The following ACSS3 variants were observed in gnomAD, a reference collection of about 807,000 sequenced individuals.
ACSS3 encodes acyl-CoA synthetase short chain family member 3.
A neutral mutation model predicts 84.2 loss-of-function variants in ACSS3; 64 were observed. The observed-to-expected ratio is 0.76, with a 90% CI of 0.62 to 0.94. ACSS3 has a LOEUF of 0.94. Ranked by LOEUF, ACSS3 falls within the 40% of genes least tolerant of loss-of-function variation. The pLI, the probability that ACSS3 is intolerant of heterozygous loss-of-function variation, is 0.00. For synonymous variants in ACSS3, 317 were observed against 310.1 expected (o/e 1.02, Z -0.23); for missense variants, 815 against 867.6 (o/e 0.94, Z 0.76).
chr12:81,218,407 A>G (rs7314627), intron 10 of ACSS3, among the ~76,000 whole-genome samples: 44 of 151,960 alleles, frequency 2.9e-4, no homozygotes, highest in Non-Finnish European at 5.1e-4. Flanking sequence ...CAGAGATTTG[A>G]CTTTTGCTTC....
At chr12:81,121,207 C>T (rs1429719766) in intron 2 of ACSS3, among the ~76,000 whole-genome samples, 3 of 152,086 alleles carry the variant, frequency 2.0e-5, no homozygotes. Flanking sequence ...AGGAACATTG[C>T]CCAATCCTGG....
intron 13 of ACSS3, among the ~76,000 whole-genome samples, chr12:81,250,579 A>G (rs1432571081): frequency 6.6e-6 from 1 of 152,142 alleles, no homozygotes; most frequent in African/African-American, 2.4e-5. Context: ...TAACAAAGTG[A>G]AAGAGTGGCA....
rs527576451 is a variant in ACSS3 at position 81,134,823 on chromosome 12, A to G, written c.464A>G (p.Lys155Arg). 54 of 1,556,614 alleles carry G rather than the reference A, an allele frequency of 3.5e-5. No homozygotes were observed. In the African/African-American group the frequency reaches 4.9e-4, roughly 14 times the overall value. ...TYKEVLEQVSKLAGVLVKHGI... is the reference protein window; with the variant it reads ...TYKEVLEQVSRLAGVLVKHGI... ...TTAATGGTCTTGGCATAGGTCTCCA[A>G]GCTGGCTGGTGTCTTGGTCAAGCAT... The change falls in exon 3 of 16, where the codon AAG (lysine) becomes AGG (arginine). Residue 155 changes from lysine to arginine, a missense_variant. Lys to Arg is a conservative substitution (Grantham distance 26, BLOSUM62 2). Transcript: ENST00000548058.
intron 13 of ACSS3, among the ~76,000 whole-genome samples, chr12:81,251,503 T>C (rs2034149632): frequency 6.6e-6 from 1 of 151,902 alleles, no homozygotes; most frequent in African/African-American, 2.4e-5. Context: ...TCCTACTTTC[T>C]TAGTTGATAT....
intron 7 of ACSS3, among the ~76,000 whole-genome samples, chr12:81,156,397 T>A (rs1466377629): frequency 6.6e-6 from 1 of 151,470 alleles, no homozygotes; most frequent in Non-Finnish European, 1.5e-5. Flanking sequence ...TATCTCAAGA[T>A]CCTAGGAAAA....
chr12:81,097,324 G>C (rs1284860033), intron 1 of ACSS3, among the ~76,000 whole-genome samples: 1 of 152,206 alleles, frequency 6.6e-6, no homozygotes, highest in African/African-American at 2.4e-5. Context: ...CAGCCACAGA[G>C]AATACACATA....
At chr12:81,153,088 G>C (rs1886691488) in intron 7 of ACSS3, among the ~76,000 whole-genome samples, 1 of 152,126 alleles carries the variant, frequency 6.6e-6, no homozygotes, top group Admixed American at 6.6e-5. Context: ...TCTGAAAAAA[G>C]GGAGTAGCAT....
At chr12:81,164,743 T>C (rs959494901) in intron 7 of ACSS3, among the ~76,000 whole-genome samples, 1 of 152,220 alleles carries the variant, frequency 6.6e-6, no homozygotes, top group Non-Finnish European at 1.5e-5. Flanking sequence ...TAATTTTACC[T>C]ACATGGAGGT....
chr12:81,115,809 G>C (rs1883995092), intron 2 of ACSS3, among the ~76,000 whole-genome samples: 1 of 152,118 alleles, frequency 6.6e-6, no homozygotes, highest in East Asian at 1.9e-4. Context: ...AGGAATCAAA[G>C]TTGAGAAGAC....
intron 8 of ACSS3, among the ~76,000 whole-genome samples, chr12:81,176,547 C>G (rs1362191403): frequency 6.6e-6 from 1 of 151,866 alleles, no homozygotes; most frequent in East Asian, 1.9e-4. Flanking sequence ...GCACTTCAGC[C>G]TGACAACAGA....
intron 10 of ACSS3, among the ~76,000 whole-genome samples, chr12:81,217,947 T>C (rs1179956492): frequency 6.6e-6 from 1 of 152,222 alleles, no homozygotes; most frequent in Non-Finnish European, 1.5e-5. Context: ...TATAATATCC[T>C]GTCAATTTTT....
chr12:81,191,009 A>T (rs1030574000), intron 8 of ACSS3, among the ~76,000 whole-genome samples: 7 of 149,198 alleles, frequency 4.7e-5, no homozygotes, highest in Non-Finnish European at 9.0e-5. Context: ...TTTGTTGAAG[A>T]TTTTTTTTTT....
At position 81,097,125 on chromosome 12, in the gene ACSS3, G is replaced by A. The variant is rs11114761; in HGVS notation, c.312-12435G>A. Among the ~76,000 whole-genome samples the A allele has an allele frequency of 1.4e-3, 217 of 152,166 alleles. 2 individuals carry two copies. In the East Asian group the frequency reaches 0.037, roughly 26 times the overall value. On this transcript the variant is annotated intron_variant, in intron 1 of 15. Coordinates refer to ENST00000548058, the MANE Select transcript of ACSS3 (RefSeq NM_024560.4). ...ATTTAAATTTAGTTAGACACATGTGGCTAGTCGTTACCCTACTGAGCAGCA... is the reference window on the plus strand; with the variant it reads ...ATTTAAATTTAGTTAGACACATGTGACTAGTCGTTACCCTACTGAGCAGCA...
intron 12 of ACSS3, 134 bp from the exon 13 acceptor site, chr12:81,233,215 C>CT: frequency 2.2e-6 from 2 of 911,134 alleles, no homozygotes; most frequent in Non-Finnish European, 3.2e-6. Context: ...GTGTAATTTC[C>CT]TAGTCTAGTT....
chr12:81,110,675 T>C (rs1373809652), intron 2 of ACSS3, among the ~76,000 whole-genome samples: 1 of 152,194 alleles, frequency 6.6e-6, no homozygotes, highest in Non-Finnish European at 1.5e-5. Context: ...GCAGTATCCC[T>C]GCCTCCACCT....
intron 9 of ACSS3, chr12:81,199,919 A>G: frequency 7.1e-6 from 2 of 279,750 alleles, no homozygotes; most frequent in Non-Finnish European, 7.1e-6. Flanking sequence ...TTCCTCTCAT[A>G]GGACTCTCTG....
chr12:81,165,734 A>G (rs538375763), intron 7 of ACSS3, among the ~76,000 whole-genome samples: 2 of 152,338 alleles, frequency 1.3e-5, no homozygotes, highest in Non-Finnish European at 2.9e-5. Context: ...GTAGAAGATG[A>G]CAATTTATTT....
intron 8 of ACSS3, among the ~76,000 whole-genome samples, chr12:81,186,883 C>T (rs1741349118): frequency 6.6e-6 from 1 of 151,756 alleles, no homozygotes; most frequent in Non-Finnish European, 1.5e-5. Context: ...AATGAAGTCA[C>T]CACCTCATGA....
chr12:81,260,687 C>T lies in ACSS3; in HGVS notation c.*5765C>T, dbSNP rs1170849677. The T allele has an allele frequency of 6.6e-6, 1 of 152,132 alleles. No individual in the cohort carries two copies. Among genetic ancestry groups the T allele is most frequent in the African/African-American group, 2.4e-5 (1 of 41,436 alleles). The allele number at this position is 152,132 out of a possible 1,614,324, so 9.4% of individuals were successfully genotyped here. On this transcript the variant is annotated 3_prime_UTR_variant, in exon 16 of 16. Coordinates refer to ENST00000548058, the MANE Select transcript of ACSS3 (RefSeq NM_024560.4). Reference sequence around the variant, plus strand: ...AATAAGGCAGCATATCTGCTCCCATCCTAAGCCCAAAAGACCAACAATAAA... The same window carrying T: ...AATAAGGCAGCATATCTGCTCCCATTCTAAGCCCAAAAGACCAACAATAAA...
Sources: gnomAD v4.1 joint callset for allele counts (sites outside exome capture counted in the v4.1 genomes callset) on GRCh38, gnomAD v4.1.1 for gene constraint, MANE v1.5 for transcripts, NCBI Gene and HGNC (gene_info 2026-07-23, HGNC 2026-07-21) for gene names.